The following CHST9 variants were observed in gnomAD, a reference collection of about 807,000 sequenced individuals.
The protein encoded by CHST9 is carbohydrate sulfotransferase 9, also known as GalNAc-4-sulfotransferase 2.
In CHST9, 41 loss-of-function variants were observed where a neutral mutation model predicts 44.4. That is an observed-to-expected ratio of 0.92 (90% CI 0.72 to 1.20). The LOEUF (loss-of-function observed/expected upper bound fraction) is 1.20, where lower values mean the gene tolerates loss of function less well. Among genes scored for constraint, CHST9 ranks in the 50% most tolerant of loss-of-function variants. CHST9 has a pLI of 0.00. For synonymous variants in CHST9, 171 were observed against 178.4 expected (o/e 0.96, Z 0.33); for missense variants, 504 against 516.5 (o/e 0.98, Z 0.23).
chr18:26,946,547 AG>A (rs2056166050), intron 4 of CHST9, among the ~76,000 whole-genome samples: 1 of 152,206 alleles, frequency 6.6e-6, no homozygotes, highest in African/African-American at 2.4e-5. Context: ...CTGACCATTA[AG>A]GGGATTCAGG....
chr18:27,160,449 AG>A (rs2058736518), intron 1 of CHST9, among the ~76,000 whole-genome samples: 2 of 152,192 alleles, frequency 1.3e-5, no homozygotes, highest in South Asian at 4.1e-4. Context: ...CTTGCATCCC[AG>A]GGGTTAAGCC....
chr18:27,106,814 A>G (rs1164246592), intron 2 of CHST9, among the ~76,000 whole-genome samples: 1 of 152,208 alleles, frequency 6.6e-6, no homozygotes, highest in African/African-American at 2.4e-5. Context: ...TTGGCAAGTT[A>G]ATCTACCTGC....
intron 2 of CHST9, among the ~76,000 whole-genome samples, chr18:27,064,265 C>G (rs1279620870): frequency 1.6e-5 from 2 of 128,662 alleles, no homozygotes; most frequent in African/African-American, 6.3e-5. Context: ...CTAAGCCTTA[C>G]AGCGAAAAAA....
At position 27,101,646 on chromosome 18, in the gene CHST9, T is replaced by TA. The variant is rs56348115; in HGVS notation, c.121+41042dup. Reference sequence around the variant, plus strand: ...AAATAAAAATAAAAAATAAAAAAATTAAAAAAAATCTCACGGCTATTAACT... The same window carrying TA: ...AAATAAAAATAAAAAATAAAAAAATTAAAAAAAAATCTCACGGCTATTAACT... On this transcript the variant is annotated intron_variant, in intron 2 of 5. Coordinates refer to ENST00000618847, the MANE Select transcript of CHST9 (RefSeq NM_031422.6). Among the ~76,000 whole-genome samples, 120 of 151,510 alleles carry TA rather than the reference T, an allele frequency of 7.9e-4. 1 individual carries two copies. The highest frequency in any genetic ancestry group is 2.7e-3 in the African/African-American group (111 of 41,324).
At chr18:26,933,686 T>C (rs375657254) in intron 5 of CHST9, 15 of 153,736 alleles carry the variant, frequency 9.8e-5, no homozygotes, top group African/African-American at 3.6e-4. Context: ...GCACCTACTA[T>C]GTGCATTATT....
At chr18:27,066,471 T>C (rs1011271492) in intron 2 of CHST9, among the ~76,000 whole-genome samples, 3 of 152,244 alleles carry the variant, frequency 2.0e-5, no homozygotes, top group Non-Finnish European at 2.9e-5. Flanking sequence ...TAAATTTATT[T>C]TTTAGAGTCA....
intron 1 of CHST9, among the ~76,000 whole-genome samples, chr18:27,153,546 C>CTGTGTGTGTGTGTG (rs370815871): frequency 3.6e-5 from 5 of 138,504 alleles, no homozygotes; most frequent in African/African-American, 1.3e-4. Flanking sequence ...CTCTCTCTCT[C>CTGTGTGTGTGTGTG]TGTGTGTGTG....
At chr18:27,035,516 G>A (rs1226777232) in intron 3 of CHST9, among the ~76,000 whole-genome samples, 1 of 151,820 alleles carries the variant, frequency 6.6e-6, no homozygotes, top group Non-Finnish European at 1.5e-5. Context: ...GTTTATGTGT[G>A]CACATATATA....
intron 4 of CHST9, among the ~76,000 whole-genome samples, chr18:26,985,755 T>G (rs1369350064): frequency 1.3e-5 from 2 of 152,118 alleles, no homozygotes; most frequent in African/African-American, 4.8e-5. Context: ...TAGAAAGGAT[T>G]AGAGGGGATA....
At chr18:27,016,524 G>T (rs1003495753) in intron 4 of CHST9, among the ~76,000 whole-genome samples, 2 of 152,136 alleles carry the variant, frequency 1.3e-5, no homozygotes, top group Non-Finnish European at 2.9e-5. Flanking sequence ...AAAACTGTAC[G>T]TTTGTTTACT....
rs970567327 is a variant in CHST9, at chr18:26,915,964, C to T, written c.*295G>A. On this transcript the variant is annotated 3_prime_UTR_variant, in exon 6 of 6. Coordinates refer to ENST00000618847, the MANE Select transcript of CHST9 (RefSeq NM_031422.6). The stretch of plus-strand genomic sequence containing the variant: ...CCTTTTTTCCTACCATTGCAAGAGG[C>T]TGCTTTAGCTAATGCAACAGCTGGC... 4 of 233,630 alleles carry T rather than the reference C, an allele frequency of 1.7e-5. No homozygotes were observed. Among genetic ancestry groups the T allele is most frequent in the Admixed American group, 1.0e-4 (2 of 19,696 alleles). 14.5% of individuals were successfully genotyped at this position (233,630 alleles called of 1,614,324 possible). A position where few individuals can be genotyped will look rare whatever the true frequency, so the allele number is the denominator to read the frequency against.
chr18:27,039,469 A>G (rs1384554628), intron 3 of CHST9, among the ~76,000 whole-genome samples: 1 of 152,176 alleles, frequency 6.6e-6, no homozygotes, highest in Non-Finnish European at 1.5e-5. Context: ...TTATTGAGAC[A>G]GACAGTGAAA....
chr18:27,123,084 C>G (rs750289601), intron 2 of CHST9, among the ~76,000 whole-genome samples: 9 of 152,196 alleles, frequency 5.9e-5, no homozygotes, highest in Non-Finnish European at 1.2e-4. Context: ...AAATAACATA[C>G]AGATCAAGCA....
At chr18:27,182,383 T>G (rs140565418) in intron 1 of CHST9, among the ~76,000 whole-genome samples, 298 of 152,314 alleles carry the variant, frequency 2.0e-3, no homozygotes, top group African/African-American at 6.8e-3. Flanking sequence ...TATAGAACAC[T>G]GTAGCTGGTG....
At chr18:27,169,018 A>G (rs9963727) in intron 1 of CHST9, among the ~76,000 whole-genome samples, 116,313 of 151,712 alleles carry the variant, frequency 0.77, 44,806 homozygotes, top group East Asian at 0.92. Context: ...AGTTGAAGTC[A>G]TCAGTCCTAT....
At chr18:27,053,348 G>C (rs11877126) in intron 2 of CHST9, among the ~76,000 whole-genome samples, 2 of 10,592 alleles carry the variant, frequency 1.9e-4, no homozygotes, top group South Asian at 1.7e-3. Flanking sequence ...AAAAAAAAAA[G>C]CAATAATTAT....
At chr18:27,029,132 G>A (rs1214315771) in intron 3 of CHST9, among the ~76,000 whole-genome samples, 1 of 152,102 alleles carries the variant, frequency 6.6e-6, no homozygotes, top group Non-Finnish European at 1.5e-5. Context: ...GGGGGCTCAA[G>A]ACAGTTCTCC....
intron 4 of CHST9, among the ~76,000 whole-genome samples, chr18:26,999,187 T>C (rs1020051581): frequency 6.6e-6 from 1 of 152,236 alleles, no homozygotes; most frequent in African/African-American, 2.4e-5. Flanking sequence ...ACTACATTTA[T>C]ATGAAACAGT....
chr18:27,029,206 GA>G lies in CHST9; in HGVS notation c.161-5050del, dbSNP rs757426488. On this transcript the variant is annotated intron_variant, in intron 3 of 5. Transcript: ENST00000618847. ...ACCACAAAGTGATTAAATAGTTTTA[GA>G]AAAAAGACAATTCTTGCAAAAGAAG... 1.6e-3 allele frequency among the ~76,000 whole-genome samples: 236 copies of G among 152,228 alleles called. 1 individual carries two copies. Among genetic ancestry groups the G allele is most frequent in the Non-Finnish European group, 2.7e-3 (185 of 68,012 alleles).
Sources: gnomAD v4.1 joint callset for allele counts (sites outside exome capture counted in the v4.1 genomes callset) on GRCh38, gnomAD v4.1.1 for gene constraint, MANE v1.5 for transcripts, NCBI Gene and HGNC (gene_info 2026-07-23, HGNC 2026-07-21) for gene names.